VWA5B1: variants seen among roughly 807,000 people sequenced by gnomAD.
VWA5B1 encodes the protein von Willebrand factor A domain containing 5B1.
In VWA5B1, 115 loss-of-function variants were observed where a neutral mutation model predicts 118.2. The observed-to-expected ratio is 0.97, with a 90% CI of 0.84 to 1.14. The LOEUF is 1.14. VWA5B1 is among the 50% of genes most tolerant of loss of function. The probability of loss-of-function intolerance (pLI) is 0.00; values close to 1 mark genes in which losing one functional copy is unlikely to be tolerated. For synonymous variants in VWA5B1, 682 were observed against 658.4 expected (o/e 1.04, Z -0.55); for missense variants, 1,596 against 1,603.8 (o/e 1.00, Z 0.08).
intron 8 of VWA5B1, among the ~76,000 whole-genome samples, chr1:20,326,454 T>C (rs1290898770): frequency 6.6e-6 from 1 of 151,920 alleles, no homozygotes; most frequent in Non-Finnish European, 1.5e-5. Context: ...CTCAGAACTG[T>C]GGGGTTTTTT....
chr1:20,336,776 G>A lies in VWA5B1; in HGVS notation c.1942+290G>A, dbSNP rs185279145. 2.3e-3 allele frequency among the ~76,000 whole-genome samples: 343 copies of A among 152,292 alleles called. 3 individuals are homozygous for A. Among genetic ancestry groups the A allele is most frequent in the African/African-American group, 7.5e-3 (312 of 41,558 alleles). Reference sequence around the variant, plus strand: ...TATCGATTCCTTACTAAGGTTAGGGGCTGAGAGCAACATGGGAAGCAAAGA... The same window carrying A: ...TATCGATTCCTTACTAAGGTTAGGGACTGAGAGCAACATGGGAAGCAAAGA... On this transcript the variant is annotated intron_variant, in intron 13 of 21. Transcript: ENST00000289815.
Position 20,348,248 on chromosome 1 carries a change from C to CTGCCCTGCGTA in VWA5B1, c.2772_2782dup (p.Leu928ProfsTer75). 3 of 1,551,616 alleles carry CTGCCCTGCGTA rather than the reference C, an allele frequency of 1.9e-6. No individual in the cohort carries two copies. The highest frequency in any genetic ancestry group is 2.6e-6 in the Non-Finnish European group (3 of 1,146,954). On this transcript the variant is annotated frameshift_variant, in exon 18 of 22. Transcript: ENST00000289815. LOFTEE classifies it high-confidence loss of function. ...CTTCCCCTTGTCTTCCGCGAAGGAG[C>CTGCCCTGCGTA]TGCCCTGCGTATGCTTGGCTCTCGG...
intron 8 of VWA5B1, among the ~76,000 whole-genome samples, chr1:20,327,531 T>G (rs943773953): frequency 6.6e-6 from 1 of 152,098 alleles, no homozygotes; most frequent in Admixed American, 6.5e-5. Context: ...GGGTGCTCCC[T>G]GCTCTCCCCA....
rs996248924 is a variant in VWA5B1 at position 20,312,906 on chromosome 1, C to T, written c.210C>T (p.Val70=). 6.4e-6 allele frequency: 10 copies of T among 1,551,546 alleles called. No individual in the cohort carries two copies. The African/African-American group carries it at 8.2e-5, about 13-fold the overall frequency. Residue 70 remains valine, a synonymous_variant, in exon 3 of 22, where the codon GTC becomes GTT. Transcript: ENST00000289815. ...IGFEAVIADR[V]VTVQIKDKAK... is the part of the protein sequence containing the mutation. ...TTGAGGCAGTCATTGCCGACCGTGTCGTGACAGTACAGATCAAGGACAAAG... is the reference window on the plus strand; with the variant it reads ...TTGAGGCAGTCATTGCCGACCGTGTTGTGACAGTACAGATCAAGGACAAAG...
chr1:20,348,368 A>G lies in VWA5B1; in HGVS notation c.2878+10A>G. 1 of 1,551,580 alleles carries G rather than the reference A, an allele frequency of 6.4e-7. No homozygotes were observed. The highest frequency in any genetic ancestry group is 8.7e-7 in the Non-Finnish European group (1 of 1,147,004). ...TCGGCACCAGGAAATGGTAAATTTC[A>G]GGCCCTAAGTAAGAGCCACCCTGGG... is the stretch of plus-strand genomic sequence containing the variant. On this transcript the variant is annotated intron_variant, in intron 18 of 21. Coordinates refer to ENST00000289815, the MANE Select transcript of VWA5B1 (RefSeq NM_001039500.3).
At chr1:20,343,533 C>T (rs1198048984) in intron 16 of VWA5B1, 140 bp downstream of exon 16, 3 of 1,367,120 alleles carry the variant, frequency 2.2e-6, no homozygotes, top group Non-Finnish European at 2.9e-6. Flanking sequence ...CCGGGTCCTA[C>T]CCCACCCCCT....
intron 1 of VWA5B1, among the ~76,000 whole-genome samples, chr1:20,303,590 C>T (rs2088560424): frequency 1.3e-5 from 2 of 152,070 alleles, no homozygotes. Context: ...GTGGCAGAGC[C>T]CAGCAGAGTG....
chr1:20,353,774 C>A lies in VWA5B1; in HGVS notation c.3159C>A (p.Ala1053=). ...ACACACAGGTGTCTCTGCAGCTGGCCTCCGGAGCCTTCCTGCTCAACGAAG... is the reference window on the plus strand; with the variant it reads ...ACACACAGGTGTCTCTGCAGCTGGCATCCGGAGCCTTCCTGCTCAACGAAG... ...DYIPLVSLQL[A]SGAFLLNEAF... is the part of the protein sequence containing the mutation. Residue 1053 remains alanine, a synonymous_variant, in exon 22 of 22, where the codon GCC becomes GCA. Transcript: ENST00000289815. 1 of 1,462,346 alleles carries A rather than the reference C, an allele frequency of 6.8e-7. No individual in the cohort carries two copies. The highest frequency in any genetic ancestry group is 9.1e-7 in the Non-Finnish European group (1 of 1,104,678). The allele number at this position is 1,462,346 out of a possible 1,614,324, so 90.6% of individuals were successfully genotyped here. A position where few individuals can be genotyped will look rare whatever the true frequency, so the allele number is the denominator to read the frequency against.
chr1:20,303,460 G>C (rs187918948), intron 1 of VWA5B1: 2 of 152,468 alleles, frequency 1.3e-5, no homozygotes, highest in African/African-American at 4.8e-5. Context: ...TCAGAGTCAG[G>C]GTCAGGGGTT....
Position 20,356,747 on chromosome 1 carries a change from C to A in VWA5B1, c.*2484C>A, listed in dbSNP as rs1182126626. ...TCTCTGCAACCCTGGCTCCCCTGCC[C>A]AGCCCCAAAGGTGCAGAAGAACAAA... On this transcript the variant is annotated 3_prime_UTR_variant, in exon 22 of 22. Transcript: ENST00000289815. Among the ~76,000 whole-genome samples the A allele has an allele frequency of 6.6e-6, 1 of 152,210 alleles. No homozygotes were observed. The highest frequency in any genetic ancestry group is 1.5e-5 in the Non-Finnish European group (1 of 68,038).
intron 18 of VWA5B1, chr1:20,349,218 G>T: frequency 2.2e-6 from 1 of 447,030 alleles, no homozygotes; most frequent in Non-Finnish European, 4.5e-6. Context: ...TCAACTTCTT[G>T]GTCCCATTGG....
chr1:20,349,842 A>G (rs143537094), intron 18 of VWA5B1, among the ~76,000 whole-genome samples: 55 of 150,758 alleles, frequency 3.6e-4, no homozygotes, highest in African/African-American at 1.2e-3. Context: ...TCTTTACAAC[A>G]CTGTGAGATA....
rs1214625674 is a variant in VWA5B1, at chr1:20,350,913, C to T, written c.3010C>T (p.Leu1004Phe). Residue 1004 changes from leucine to phenylalanine, a missense_variant, in exon 20 of 22, where the codon CTC becomes TTC. Transcript: ENST00000289815. ...TLSSMKASEN[L>F]FGSWLNLNKS... ...TTCTTCCATGAAGGCCTCAGAGAATCTCTTTGGATCCTGGTAGGTGGGATT... is the reference window on the plus strand; with the variant it reads ...TTCTTCCATGAAGGCCTCAGAGAATTTCTTTGGATCCTGGTAGGTGGGATT... The T allele has an allele frequency of 6.4e-7, 1 of 1,551,858 alleles. No homozygotes were observed. The highest frequency in any genetic ancestry group is 1.4e-5 in the African/African-American group (1 of 73,054).
chr1:20,319,134 T>C (rs935494192), intron 6 of VWA5B1, among the ~76,000 whole-genome samples: 1 of 152,190 alleles, frequency 6.6e-6, no homozygotes, highest in Non-Finnish European at 1.5e-5. Context: ...CCCATCCTAC[T>C]ACCGTTTTAC....
At chr1:20,299,593 G>T (rs1449755194) in intron 1 of VWA5B1, among the ~76,000 whole-genome samples, 1 of 152,062 alleles carries the variant, frequency 6.6e-6, no homozygotes, top group Admixed American at 6.6e-5. Flanking sequence ...TAGTAAAGGC[G>T]GGGTTTCACC....
At chr1:20,323,831 G>A (rs1285626192) in intron 8 of VWA5B1, among the ~76,000 whole-genome samples, 1 of 152,192 alleles carries the variant, frequency 6.6e-6, no homozygotes, top group African/African-American at 2.4e-5. Flanking sequence ...GGGAAGAGGG[G>A]AAGGGAAGTA....
rs1251312925 is a variant in VWA5B1 at position 20,332,789 on chromosome 1, C to T, written c.1596C>T (p.Ala532=). The change falls in exon 12 of 22, where the codon GCC becomes GCT. Residue 532 remains alanine (A), a synonymous_variant. Transcript: ENST00000289815. ...QPKMVKSLKK[A]MAPVLSDVTV... is the part of the protein sequence containing the mutation. The stretch of plus-strand genomic sequence containing the variant: ...AGATGGTCAAATCCTTGAAGAAGGC[C>T]ATGGCCCCAGTCCTGAGCGATGTGA... 3.2e-6 allele frequency: 5 copies of T among 1,551,632 alleles called. No individual in the cohort carries two copies. The highest frequency in any genetic ancestry group is 4.4e-6 in the Non-Finnish European group (5 of 1,147,004).
intron 8 of VWA5B1, among the ~76,000 whole-genome samples, chr1:20,327,664 A>ATGGTGGTGG (rs112567851): frequency 3.5e-5 from 5 of 144,802 alleles, no homozygotes; most frequent in African/African-American, 1.0e-4. Flanking sequence ...GATGATGATG[A>ATGGTGGTGG]TGGTGGTGGT....
intron 3 of VWA5B1, among the ~76,000 whole-genome samples, chr1:20,313,426 C>T (rs746105389): frequency 4.6e-5 from 7 of 152,280 alleles, no homozygotes; most frequent in African/African-American, 1.2e-4. Flanking sequence ...TGTCCTCACC[C>T]GATGCTCAAC....
Sources: allele counts gnomAD v4.1 joint callset (sites outside exome capture counted in the v4.1 genomes callset), GRCh38; gene constraint gnomAD v4.1.1; transcripts MANE v1.5; gene names NCBI Gene and HGNC (gene_info 2026-07-23, HGNC 2026-07-21).